RFTN1: variants seen among roughly 807,000 people sequenced by gnomAD.
RFTN1 encodes the protein raftlin.
In RFTN1, 26 loss-of-function variants were observed where a neutral mutation model predicts 46.5. That is an observed-to-expected ratio of 0.56 (90% CI 0.41 to 0.78). RFTN1 has a LOEUF of 0.78. Among genes scored for constraint, RFTN1 ranks in the 30% least tolerant of loss-of-function variants. The probability of loss-of-function intolerance (pLI) is 0.00; values close to 1 mark genes in which losing one functional copy is unlikely to be tolerated. For synonymous variants in RFTN1, 261 were observed against 284.2 expected, an observed-to-expected ratio of 0.92 and a Z score of 0.82; for missense variants, 693 against 718.7, an observed-to-expected ratio of 0.96 and a Z score of 0.41.
At chr3:16,359,937 T>C (rs1054821763) in intron 6 of RFTN1, among the ~76,000 whole-genome samples, 1 of 151,954 alleles carries the variant, frequency 6.6e-6, no homozygotes, top group African/African-American at 2.4e-5. Flanking sequence ...CAAATGTGAA[T>C]ATATAACAAT....
At position 16,407,750 on chromosome 3, in the gene RFTN1, T is replaced by G. The variant is rs185350494; in HGVS notation, c.441+1625A>C. Among the ~76,000 whole-genome samples the G allele has an allele frequency of 1.4e-4, 22 of 152,312 alleles. No homozygotes were observed. The highest frequency in any genetic ancestry group is 3.1e-4 in the Non-Finnish European group (21 of 68,024). ...GCTACATGCGTTATTAAAACACTTG[T>G]GTTCTCAGGCTTATGCGTATGTGAA... On this transcript the variant is annotated intron_variant, in intron 4 of 9. Transcript: ENST00000334133. The surrounding 1 kb of genome is among the most constrained non-coding windows in gnomAD (Gnocchi z 4.0).
rs990172719 is a variant in RFTN1, at chr3:16,506,838, C to T, written c.-9+6604G>A. ...ACAGCAGCTATTCCAATGCCCTGCCCATAACAGATGCACAATAAATACCTA... is the reference window on the plus strand; with the variant it reads ...ACAGCAGCTATTCCAATGCCCTGCCTATAACAGATGCACAATAAATACCTA... On this transcript the variant is annotated intron_variant, in intron 1 of 9. Transcript: ENST00000334133. This position sits in a 1 kb window ranked among gnomAD's most constrained non-coding sequence, Gnocchi z 4.8. 6.6e-6 allele frequency among the ~76,000 whole-genome samples: 1 copy of T among 152,156 alleles called. No homozygotes were observed. Among genetic ancestry groups the T allele is most frequent in the East Asian group, 1.9e-4 (1 of 5,184 alleles).
chr3:16,403,757 AAATATAT>A (rs2074688050), intron 4 of RFTN1, among the ~76,000 whole-genome samples: 1 of 18,254 alleles, frequency 5.5e-5, no homozygotes, highest in Non-Finnish European at 7.9e-5. Context: ...ATTATATATA[AAATATAT>A]AATATATAAT....
intron 3 of RFTN1, chr3:16,416,277 A>G (rs1467850108): frequency 6.6e-6 from 3 of 451,252 alleles, no homozygotes; most frequent in African/African-American, 4.0e-5. Context: ...CATAGTTTTA[A>G]TAATGCACAT....
intron 5 of RFTN1, among the ~76,000 whole-genome samples, chr3:16,371,854 A>G (rs2073517990): frequency 6.6e-6 from 1 of 152,242 alleles, no homozygotes; most frequent in Non-Finnish European, 1.5e-5. Context: ...GTCTTGGTGT[A>G]TAGAACTGGC....
chr3:16,350,414 A>G (rs1013473547), intron 7 of RFTN1: 2 of 152,170 alleles, frequency 1.3e-5, no homozygotes, highest in Admixed American at 6.5e-5. Flanking sequence ...GGGCATTTCA[A>G]ATTGTTAACA....
intron 3 of RFTN1, among the ~76,000 whole-genome samples, chr3:16,431,835 T>C (rs1374172665): frequency 6.6e-6 from 1 of 152,206 alleles, no homozygotes; most frequent in Non-Finnish European, 1.5e-5. Flanking sequence ...CCTCCCCCAC[T>C]TTCTTTTCCT....
At chr3:16,347,150 C>G (rs543528659) in intron 7 of RFTN1, among the ~76,000 whole-genome samples, 132 of 152,192 alleles carry the variant, frequency 8.7e-4, no homozygotes, top group Non-Finnish European at 8.5e-4. Flanking sequence ...GATGAAAATC[C>G]CACTATGGCT....
In RFTN1 at chr3:16,377,969, T is replaced by C. The variant is rs1407785329; in HGVS notation, c.575A>G (p.Asn192Ser). 6.2e-7 allele frequency: 1 copy of C among 1,614,174 alleles called. No homozygotes were observed. Among genetic ancestry groups the C allele is most frequent in the Non-Finnish European group, 8.5e-7 (1 of 1,180,030 alleles). The change falls in exon 5 of 10, where the codon AAC becomes AGC. Residue 192 changes from asparagine to serine, a missense_variant. Physicochemically the swap from Asn to Ser is conservative, Grantham distance 46 (BLOSUM62 1). Coordinates refer to ENST00000334133, the MANE Select transcript of RFTN1 (RefSeq NM_015150.2). ...CAGTGACGCGTGATCCCCACGTGCG[T>C]TTTTTGCATCTCTGGCATCCTCGGT... Reference protein sequence around the residue: ...NSTEDARDAKNARGDHASLEN... With the variant: ...NSTEDARDAKSARGDHASLEN...
chr3:16,378,829 C>G (rs1293332458), intron 4 of RFTN1, among the ~76,000 whole-genome samples: 2 of 152,154 alleles, frequency 1.3e-5, no homozygotes, highest in African/African-American at 4.8e-5. Context: ...ATGGTTCCTT[C>G]TCACTCCCTG....
At chr3:16,497,185 G>T (rs1053421399) in intron 1 of RFTN1, among the ~76,000 whole-genome samples, 3 of 152,100 alleles carry the variant, frequency 2.0e-5, no homozygotes, top group African/African-American at 7.2e-5. Flanking sequence ...TCTCTGTATT[G>T]ATTTGTGTGC....
At position 16,377,977 on chromosome 3, in the gene RFTN1, A is replaced by G. The variant is rs765531501; in HGVS notation, c.567T>C (p.Asp189=). The G allele has an allele frequency of 1.2e-5, 20 of 1,614,130 alleles. No homozygotes were observed. The South Asian group carries it at 1.5e-4, about 12-fold the overall frequency. The change falls in exon 5 of 10, where the codon GAT becomes GAC. Residue 189 remains aspartate, a synonymous_variant. Transcript: ENST00000334133. ...CGTGATCCCCACGTGCGTTTTTTGC[A>G]TCTCTGGCATCCTCGGTGCTGTTGG... is the stretch of plus-strand genomic sequence containing the variant. ...STANSTEDAR[D]AKNARGDHAS...
At position 16,506,013 on chromosome 3, in the gene RFTN1, C is replaced by T. The variant is rs985044550; in HGVS notation, c.-9+7429G>A. ...CCTCATGGACCTTACCTTCAGAAGC[C>T]GAGAAACAGGCAATAGACAAACAAA... On this transcript the variant is annotated intron_variant, in intron 1 of 9. Transcript: ENST00000334133. The surrounding 1 kb of genome is among the most constrained non-coding windows in gnomAD (Gnocchi z 4.8). Among the ~76,000 whole-genome samples, 2 of 152,080 alleles carry T rather than the reference C, an allele frequency of 1.3e-5. No homozygotes were observed. Among genetic ancestry groups the T allele is most frequent in the South Asian group, 2.1e-4 (1 of 4,810 alleles).
intron 6 of RFTN1, among the ~76,000 whole-genome samples, chr3:16,366,287 AC>A (rs879304414): frequency 1.9e-5 from 2 of 107,878 alleles, no homozygotes; most frequent in South Asian, 6.1e-4. Context: ...CCTTAGTCTT[AC>A]CCCAAACTCC....
rs1237316548 is a variant in RFTN1 at position 16,397,085 on chromosome 3, A to AG, written c.441+12289_441+12290insC. On this transcript the variant is annotated intron_variant, in intron 4 of 9. Transcript: ENST00000334133. ...TCTCAAAATGAAAAAAAAAAAAAAA[A>AG]AGAGAGAGAGAAGAAAACCTGTCAA... Among the ~76,000 whole-genome samples the AG allele has an allele frequency of 5.4e-4, 81 of 149,990 alleles. No homozygotes were observed. In the East Asian group the frequency reaches 7.0e-3, roughly 13 times the overall value.
At chr3:16,389,956 C>T (rs1234541333) in intron 4 of RFTN1, among the ~76,000 whole-genome samples, 1 of 152,146 alleles carries the variant, frequency 6.6e-6, no homozygotes, top group African/African-American at 2.4e-5. Context: ...ACCTAGCTGC[C>T]ATGTTTTGAG....
rs138006901 is a variant in RFTN1, at chr3:16,449,789, G to A, written c.146-15752C>T. Among the ~76,000 whole-genome samples, 8 of 152,286 alleles carry A rather than the reference G, an allele frequency of 5.3e-5. No individual in the cohort carries two copies. The East Asian group carries it at 1.5e-3, about 29-fold the overall frequency. On this transcript the variant is annotated intron_variant, in intron 2 of 9. Coordinates refer to ENST00000334133, the MANE Select transcript of RFTN1 (RefSeq NM_015150.2). The surrounding 1 kb of genome is among the most constrained non-coding windows in gnomAD (Gnocchi z 5.1). ...ACAAAAGCCATGCTGACAGACTGCT[G>A]CCTCTGATTTGCACTGAACTCCACT... is the stretch of plus-strand genomic sequence containing the variant.
intron 4 of RFTN1, among the ~76,000 whole-genome samples, chr3:16,404,244 T>TTATATATAATATATAATATATAA: frequency 3.6e-4 from 1 of 2,788 alleles, no homozygotes; most frequent in Non-Finnish European, 5.7e-4. Context: ...AATATATATT[T>TTATATATAATATATAATATATAA]TATATATAAT....
At chr3:16,462,096 G>A (rs191455248) in intron 2 of RFTN1, among the ~76,000 whole-genome samples, 3 of 152,274 alleles carry the variant, frequency 2.0e-5, no homozygotes, top group Admixed American at 1.3e-4. Flanking sequence ...GCCCAAATGC[G>A]TGGGTTCAAA....
Sources: gnomAD v4.1 joint callset for allele counts (sites outside exome capture counted in the v4.1 genomes callset) on GRCh38, gnomAD v4.1.1 for gene constraint, Gnocchi (gnomAD v3.1) non-coding constraint, MANE v1.5 for transcripts, NCBI Gene and HGNC (gene_info 2026-07-23, HGNC 2026-07-21) for gene names.